Variants in SEC61A2 observed in about 807,000 individuals in gnomAD.
SEC61A2 encodes the protein protein transport protein Sec61 subunit alpha isoform 2.
In SEC61A2, 28 loss-of-function variants were observed where a neutral mutation model predicts 59.9. The observed-to-expected ratio is 0.47, with a 90% CI of 0.35 to 0.64. The LOEUF (loss-of-function observed/expected upper bound fraction) is 0.64, where lower values mean the gene tolerates loss of function less well. Among genes scored for constraint, SEC61A2 ranks in the 30% least tolerant of loss-of-function variants. The pLI is 0.01. For missense variants in SEC61A2, 340 were observed against 585.9 expected (o/e 0.58, Z 4.33); for synonymous variants, 202 against 214.4 (o/e 0.94, Z 0.50).
intron 4 of SEC61A2, among the ~76,000 whole-genome samples, chr10:12,146,953 G>T (rs1834154416): frequency 6.6e-6 from 1 of 152,128 alleles, no homozygotes; most frequent in Non-Finnish European, 1.5e-5. Context: ...GAGTGCAGTG[G>T]TGCAAACAGC....
intron 3 of SEC61A2, among the ~76,000 whole-genome samples, chr10:12,139,054 C>T (rs1054694325): frequency 3.3e-5 from 5 of 152,112 alleles, no homozygotes; most frequent in Admixed American, 1.3e-4. Flanking sequence ...CTCCGCCTCC[C>T]GGGTTCAAGC....
At chr10:12,132,253 A>G (rs772284496) in intron 1 of SEC61A2, among the ~76,000 whole-genome samples, 31 of 151,170 alleles carry the variant, frequency 2.1e-4, no homozygotes, top group Non-Finnish European at 2.9e-4. Flanking sequence ...GTGAGCCGAG[A>G]TGGCGGCACT....
rs1834386066 is a variant in SEC61A2 at position 12,155,874 on chromosome 10, A to G, written c.559A>G (p.Ile187Val). 1 of 1,614,076 alleles carries G rather than the reference A, an allele frequency of 6.2e-7. No individual in the cohort carries two copies. Among genetic ancestry groups the G allele is most frequent in the South Asian group, 1.1e-5 (1 of 91,080 alleles). ...GATTTCCCTCTTTATTGCCACCAAC[A>G]TCTGTGAGACCATTGTCTGGAAGGC... ...SGISLFIATN[I>V]CETIVWKAFS... Residue 187 changes from isoleucine (I) to valine (V), a missense_variant, in exon 7 of 12, where the codon ATC (isoleucine) becomes GTC (valine). Ile to Val is a conservative substitution (Grantham distance 29). Around this residue, in one of 3 missense-constraint regions of SEC61A2, gnomAD observed 283 missense variants for 483.2 expected, o/e 0.59. Transcript: ENST00000298428. The surrounding 1 kb of genome is among the most constrained non-coding windows in gnomAD (Gnocchi z 4.3).
At chr10:12,139,620 T>A (rs1833964604) in intron 3 of SEC61A2, among the ~76,000 whole-genome samples, 1 of 151,790 alleles carries the variant, frequency 6.6e-6, no homozygotes, top group Admixed American at 6.6e-5. Context: ...CCATCTCTAC[T>A]AAAAATAGAA....
Position 12,155,986 on chromosome 10 carries a change from C to T in SEC61A2, c.616+55C>T. 6.3e-7 allele frequency: 1 copy of T among 1,592,776 alleles called. No homozygotes were observed. The highest frequency in any genetic ancestry group is 8.6e-7 in the Non-Finnish European group (1 of 1,161,240). On this transcript the variant is annotated intron_variant, in intron 7 of 11. Coordinates refer to ENST00000298428, the MANE Select transcript of SEC61A2 (RefSeq NM_018144.4). The surrounding 1 kb of genome is among the most constrained non-coding windows in gnomAD (Gnocchi z 4.3). Reference sequence around the variant, plus strand: ...CGTTTTGCTGGATGTGTGCTGGGAACAAACCCATCGTGTCGCAGTACATGC... The same window carrying T: ...CGTTTTGCTGGATGTGTGCTGGGAATAAACCCATCGTGTCGCAGTACATGC...
rs552165386 is a variant in SEC61A2, at chr10:12,136,099, G to A, written c.76-6G>A. Reference sequence around the variant, plus strand: ...GATTGATGATTCTTTACATTTTGTTGTACAGATCCAGTTTAGAGAGAAGGT... The same window carrying A: ...GATTGATGATTCTTTACATTTTGTTATACAGATCCAGTTTAGAGAGAAGGT... On this transcript the variant is annotated splice_region_variant and splice_polypyrimidine_tract_variant and intron_variant, in intron 2 of 11. Coordinates refer to ENST00000298428, the MANE Select transcript of SEC61A2 (RefSeq NM_018144.4). 4.9e-5 allele frequency: 78 copies of A among 1,596,564 alleles called. 1 individual carries two copies. The South Asian group carries it at 6.1e-4, about 12-fold the overall frequency.
downstream of SEC61A2, chr10:12,165,501 T>G (rs1834649120): frequency 3.0e-6 from 1 of 333,858 alleles, no homozygotes; most frequent in Non-Finnish European, 4.3e-6. Context: ...ACTTCAAACT[T>G]TAATCCTAAA....
At position 12,137,929 on chromosome 10, in the gene SEC61A2, C is replaced by G. The variant is rs192568527; in HGVS notation, c.141+1759C>G. The stretch of plus-strand genomic sequence containing the variant: ...GCTGAGGCAGGAGAACCACTTGAAC[C>G]CAGGTGGTGGAGGTTGCAGTGAGCT... On this transcript the variant is annotated intron_variant, in intron 3 of 11. Coordinates refer to ENST00000298428, the MANE Select transcript of SEC61A2 (RefSeq NM_018144.4). Among the ~76,000 whole-genome samples, 8 of 152,162 alleles carry G rather than the reference C, an allele frequency of 5.3e-5. No homozygotes were observed. In the East Asian group the frequency reaches 1.4e-3, roughly 26 times the overall value.
At position 12,162,546 on chromosome 10, in the gene SEC61A2, A is replaced by G; in HGVS notation, c.1244+257A>G. On this transcript the variant is annotated intron_variant, in intron 11 of 11. Coordinates refer to ENST00000298428, the MANE Select transcript of SEC61A2 (RefSeq NM_018144.4). This position sits in a 1 kb window ranked among gnomAD's most constrained non-coding sequence, Gnocchi z 6.1. Reference sequence around the variant, plus strand: ...GCTGTTCTCAGCATTGGCTGGCTGCACATACAATCACCAGAGAGCTTTTAA... The same window carrying G: ...GCTGTTCTCAGCATTGGCTGGCTGCGCATACAATCACCAGAGAGCTTTTAA... The G allele has an allele frequency of 1.6e-6, 1 of 618,500 alleles. No homozygotes were observed. The highest frequency in any genetic ancestry group is 1.6e-5 in the South Asian group (1 of 63,276). The allele number at this position is 618,500 out of a possible 1,614,324, so 38.3% of individuals were successfully genotyped here. A position where few individuals can be genotyped will look rare whatever the true frequency, so the allele number is the denominator to read the frequency against.
In SEC61A2 at chr10:12,143,046, G is replaced by A; in HGVS notation, c.142-71G>A. 1 of 1,193,714 alleles carries A rather than the reference G, an allele frequency of 8.4e-7. No homozygotes were observed. The highest frequency in any genetic ancestry group is 1.2e-5 in the South Asian group (1 of 82,238). The allele number at this position is 1,193,714 out of a possible 1,614,324, so 73.9% of individuals were successfully genotyped here. A position where few individuals can be genotyped will look rare whatever the true frequency, so the allele number is the denominator to read the frequency against. On this transcript the variant is annotated intron_variant, in intron 3 of 11. Coordinates refer to ENST00000298428, the MANE Select transcript of SEC61A2 (RefSeq NM_018144.4). This position sits in a 1 kb window ranked among gnomAD's most constrained non-coding sequence, Gnocchi z 4.8. ...CAGCTCACTGCAGCCTTTGCCTCCT[G>A]GGTTCAAGCGATTCTTATGCCTCAG... is the stretch of plus-strand genomic sequence containing the variant.
intron 6 of SEC61A2, among the ~76,000 whole-genome samples, chr10:12,151,521 A>C (rs900802111): frequency 6.6e-6 from 1 of 151,856 alleles, no homozygotes; most frequent in Non-Finnish European, 1.5e-5. Flanking sequence ...CATGTTGGCC[A>C]GGATGGTCTT....
Position 12,161,455 on chromosome 10 carries a change from A to T in SEC61A2, c.1167+334A>T, listed in dbSNP as rs1367384999. 6.6e-6 allele frequency among the ~76,000 whole-genome samples: 1 copy of T among 151,918 alleles called. No homozygotes were observed. Among genetic ancestry groups the T allele is most frequent in the Admixed American group, 6.6e-5 (1 of 15,252 alleles). On this transcript the variant is annotated intron_variant, in intron 10 of 11. Coordinates refer to ENST00000298428, the MANE Select transcript of SEC61A2 (RefSeq NM_018144.4). The surrounding 1 kb of genome is among the most constrained non-coding windows in gnomAD (Gnocchi z 5.4). ...GAGCGAGATCCTGTCTCAAAAAAAT[A>T]AAAAAGGCCAGGCGCAGTGGTTCAC...
chr10:12,144,876 C>T (rs1834103001), intron 4 of SEC61A2, among the ~76,000 whole-genome samples: 1 of 152,064 alleles, frequency 6.6e-6, no homozygotes, highest in South Asian at 2.1e-4. Flanking sequence ...AAAGTGAGAC[C>T]CCATCTCTAC....
downstream of SEC61A2, chr10:12,167,201 C>CAGGG (rs1834721166): frequency 6.3e-6 from 1 of 158,842 alleles, no homozygotes; most frequent in Admixed American, 6.0e-5. Context: ...TTGGATTCAA[C>CAGGG]TACCCTAGAT....
At chr10:12,135,925 G>GA (rs1554797107) in intron 2 of SEC61A2, among the ~76,000 whole-genome samples, 180 bp from the exon 3 acceptor site, 3 of 152,090 alleles carry the variant, frequency 2.0e-5, no homozygotes, top group Non-Finnish European at 4.4e-5. Context: ...GTATGAGAGA[G>GA]AAAAAAATGT....
chr10:12,162,120 G>C lies in SEC61A2; in HGVS notation c.1168-93G>C. The C allele has an allele frequency of 1.1e-6, 1 of 926,922 alleles. No individual in the cohort carries two copies. Among genetic ancestry groups the C allele is most frequent in the Non-Finnish European group, 1.8e-6 (1 of 567,438 alleles). The allele number at this position is 926,922 out of a possible 1,614,324, so 57.4% of individuals were successfully genotyped here. ...ACTTTCAGGTTATTGTATGTTACGTGTTAGTGTGTGGCGAGCACTTCGCAT... is the reference window on the plus strand; with the variant it reads ...ACTTTCAGGTTATTGTATGTTACGTCTTAGTGTGTGGCGAGCACTTCGCAT... On this transcript the variant is annotated intron_variant, in intron 10 of 11. Transcript: ENST00000298428. This position sits in a 1 kb window ranked among gnomAD's most constrained non-coding sequence, Gnocchi z 6.1.
intron 4 of SEC61A2, among the ~76,000 whole-genome samples, chr10:12,148,793 G>A (rs1291800167): frequency 6.6e-6 from 1 of 152,180 alleles, no homozygotes; most frequent in African/African-American, 2.4e-5. Context: ...CAAAGTGCTG[G>A]GATTACAGGC....
Position 12,154,639 on chromosome 10 carries a change from G to T in SEC61A2, c.463-1139G>T, listed in dbSNP as rs1187898330. On this transcript the variant is annotated intron_variant, in intron 6 of 11. Transcript: ENST00000298428. This position sits in a 1 kb window ranked among gnomAD's most constrained non-coding sequence, Gnocchi z 5.2. ...ATCTCTCTTAGAAGTTTGGAGAATC[G>T]TACCCTTTCTCCTGCCCATTGAAAC... Among the ~76,000 whole-genome samples the T allele has an allele frequency of 6.6e-6, 1 of 152,124 alleles. No homozygotes were observed. Among genetic ancestry groups the T allele is most frequent in the African/African-American group, 2.4e-5 (1 of 41,430 alleles).
chr10:12,160,592 CAT>C lies in SEC61A2; in HGVS notation c.976-336_976-335del, dbSNP rs2131680835. ...TCTTAATGTACTGACTGGATACTCT[CAT>C]AGCTCAGAAAATTTCAGATTTTAAG... On this transcript the variant is annotated intron_variant, in intron 9 of 11. Coordinates refer to ENST00000298428, the MANE Select transcript of SEC61A2 (RefSeq NM_018144.4). This position sits in a 1 kb window ranked among gnomAD's most constrained non-coding sequence, Gnocchi z 4.1. Among the ~76,000 whole-genome samples, 1 of 152,300 alleles carries C rather than the reference CAT, an allele frequency of 6.6e-6. No homozygotes were observed. Among genetic ancestry groups the C allele is most frequent in the South Asian group, 2.1e-4 (1 of 4,828 alleles).
Sources: gnomAD v4.1 joint callset for allele counts (sites outside exome capture counted in the v4.1 genomes callset) on GRCh38, gnomAD v4.1.1 for gene constraint, gnomAD v4.1.1 regional missense constraint, Gnocchi (gnomAD v3.1) non-coding constraint, MANE v1.5 for transcripts, NCBI Gene and HGNC (gene_info 2026-07-23, HGNC 2026-07-21) for gene names.